Variants in HSD17B12 observed in about 807,000 individuals in gnomAD.
HSD17B12 encodes the protein hydroxysteroid 17-beta dehydrogenase 12.
HSD17B12 carries 32 observed loss-of-function variants against 39.3 expected under a neutral mutation model. The ratio of observed to expected loss-of-function variants is 0.81; its 90% CI spans 0.61 to 1.09. The LOEUF (loss-of-function observed/expected upper bound fraction) is 1.09. Among genes scored for constraint, HSD17B12 ranks in the 50% least tolerant of loss-of-function variants. HSD17B12 has a pLI of 0.00. For synonymous variants in HSD17B12, 150 were observed against 146.7 expected, an observed-to-expected ratio of 1.02 and a Z score of -0.16; for missense variants, 342 against 382.9, an observed-to-expected ratio of 0.89 and a Z score of 0.89.
chr11:43,694,653 A>G (rs1949893115), intron 1 of HSD17B12, among the ~76,000 whole-genome samples: 1 of 152,172 alleles, frequency 6.6e-6, no homozygotes, highest in Non-Finnish European at 1.5e-5. Flanking sequence ...GCACCACTGC[A>G]CTTCAGCCTG....
At chr11:43,619,247 T>TATATATATATAATATATATATATATAAA in the HSD17B12 span, among the ~76,000 whole-genome samples, 1 of 50,296 alleles carries the variant, frequency 2.0e-5, no homozygotes, top group African/African-American at 6.5e-5. Context: ...ATATATAAAA[T>TATATATATATAATATATATATATATAAA]ATATATATAT....
intron 1 of HSD17B12, among the ~76,000 whole-genome samples, chr11:43,723,263 T>C (rs1399830228): frequency 2.0e-5 from 3 of 152,232 alleles, no homozygotes; most frequent in Non-Finnish European, 4.4e-5. Context: ...ATTAAAGTGC[T>C]ACTTGTAAAG....
chr11:43,745,582 C>T (rs922836780), intron 1 of HSD17B12, among the ~76,000 whole-genome samples: 1 of 152,132 alleles, frequency 6.6e-6, no homozygotes, highest in African/African-American at 2.4e-5. Context: ...ACTGTTCATA[C>T]CTAGGTTATA....
chr11:43,572,982 G>A, the HSD17B12 span, among the ~76,000 whole-genome samples: 2 of 152,212 alleles, frequency 1.3e-5, no homozygotes, highest in Non-Finnish European at 2.9e-5. Flanking sequence ...GGAGGAGACA[G>A]TCGACGCAGG....
chr11:43,673,799 G>A, the HSD17B12 span, among the ~76,000 whole-genome samples: 6 of 151,998 alleles, frequency 3.9e-5, no homozygotes, highest in Non-Finnish European at 5.9e-5. Context: ...CATGAGCCAC[G>A]GCACCCAGCC....
chr11:43,744,918 C>T (rs899267596), intron 1 of HSD17B12, among the ~76,000 whole-genome samples: 1 of 152,212 alleles, frequency 6.6e-6, no homozygotes, highest in Non-Finnish European at 1.5e-5. Flanking sequence ...CAACCTTTGT[C>T]CCTGAGTGTG....
At chr11:43,694,427 G>A (rs1420490672) in intron 1 of HSD17B12, among the ~76,000 whole-genome samples, 1 of 152,118 alleles carries the variant, frequency 6.6e-6, no homozygotes. Context: ...TTGGCCAGGT[G>A]TGGTGGCTCA....
rs114513515 is a variant in HSD17B12, at chr11:43,702,998, A to G, written c.160+22011A>G. Among the ~76,000 whole-genome samples, 942 of 151,966 alleles carry G rather than the reference A, an allele frequency of 6.2e-3. 15 individuals are homozygous for G. Among genetic ancestry groups the G allele is most frequent in the African/African-American group, 0.021 (883 of 41,438 alleles). ...ATTTTTGCATCAGTATTCATCAGAGATATTGGCCTGTAGTTTTCCTTTTTT... is the reference window on the plus strand; with the variant it reads ...ATTTTTGCATCAGTATTCATCAGAGGTATTGGCCTGTAGTTTTCCTTTTTT... On this transcript the variant is annotated intron_variant, in intron 1 of 10. Coordinates refer to ENST00000278353, the MANE Select transcript of HSD17B12 (RefSeq NM_016142.3).
chr11:43,827,026 G>A (rs896812711), intron 6 of HSD17B12, among the ~76,000 whole-genome samples: 1 of 152,144 alleles, frequency 6.6e-6, no homozygotes, highest in Non-Finnish European at 1.5e-5. Context: ...AATTGTGTGG[G>A]TACGTTTTTA....
chr11:43,810,938 C>T (rs1271160008), intron 4 of HSD17B12, among the ~76,000 whole-genome samples: 1 of 152,176 alleles, frequency 6.6e-6, no homozygotes, highest in Admixed American at 6.5e-5. Context: ...GGATCTTCAA[C>T]TATCTGAATA....
At chr11:43,751,470 C>CG (rs1377992513) in intron 2 of HSD17B12, among the ~76,000 whole-genome samples, 1 of 152,064 alleles carries the variant, frequency 6.6e-6, no homozygotes, top group Non-Finnish European at 1.5e-5. Flanking sequence ...AAGCAGGAGC[C>CG]GGGGCAGTAT....
At chr11:43,700,472 C>A (rs1240451806) in intron 1 of HSD17B12, among the ~76,000 whole-genome samples, 1 of 152,000 alleles carries the variant, frequency 6.6e-6, no homozygotes, top group African/African-American at 2.4e-5. Flanking sequence ...ACCATCCGCA[C>A]CTCCCTCCCA....
At chr11:43,754,496 A>G (rs1210813750) in intron 3 of HSD17B12, among the ~76,000 whole-genome samples, 2 of 152,176 alleles carry the variant, frequency 1.3e-5, no homozygotes, top group Admixed American at 6.5e-5. Context: ...GAATCTCTTG[A>G]ACCTGGGTGG....
chr11:43,792,184 G>A (rs1026516241), intron 3 of HSD17B12, among the ~76,000 whole-genome samples: 2 of 152,200 alleles, frequency 1.3e-5, no homozygotes, highest in African/African-American at 4.8e-5. Context: ...GTGGGGGAAA[G>A]AAGACAGGAA....
the HSD17B12 span, chr11:43,670,209 C>A: frequency 6.6e-6 from 1 of 152,200 alleles, no homozygotes; most frequent in African/African-American, 2.4e-5. Flanking sequence ...AAGCAGCTCC[C>A]TTTAGCCTAG....
chr11:43,638,070 G>A, the HSD17B12 span, among the ~76,000 whole-genome samples: 26 of 152,216 alleles, frequency 1.7e-4, no homozygotes, highest in Admixed American at 1.0e-3. Context: ...GGGAGGGAAA[G>A]CAGACTGAGA....
the HSD17B12 span, among the ~76,000 whole-genome samples, chr11:43,565,605 G>C: frequency 6.6e-6 from 1 of 152,144 alleles, no homozygotes; most frequent in South Asian, 2.1e-4. Context: ...CCTGAAAACT[G>C]TCTTTTCCTT....
At chr11:43,631,041 G>A in the HSD17B12 span, among the ~76,000 whole-genome samples, 4 of 152,130 alleles carry the variant, frequency 2.6e-5, no homozygotes, top group Admixed American at 2.0e-4. Context: ...CTGACCTCAG[G>A]TGAACCGCCT....
chr11:43,840,125 T>G (rs1248947901), intron 9 of HSD17B12, 61 bp downstream of exon 9: 44 of 1,387,744 alleles, frequency 3.2e-5, no homozygotes, highest in Non-Finnish European at 4.3e-5. Flanking sequence ...GAGCAACTGT[T>G]GCTGTCTTGG....
Sources: gnomAD v4.1 joint callset for allele counts (sites outside exome capture counted in the v4.1 genomes callset) on GRCh38, gnomAD v4.1.1 for gene constraint, MANE v1.5 for transcripts, NCBI Gene and HGNC (gene_info 2026-07-23, HGNC 2026-07-21) for gene names.